Variants in METTL3 observed in about 807,000 individuals in gnomAD.
METTL3 encodes the protein N(6)-adenosine-methyltransferase catalytic subunit METTL3.
METTL3 carries 42 observed loss-of-function variants against 64.3 expected under a neutral mutation model. That is an observed-to-expected ratio of 0.65 (90% CI 0.51 to 0.84). The LOEUF (loss-of-function observed/expected upper bound fraction) is 0.84. Among genes scored for constraint, METTL3 ranks in the 40% least tolerant of loss-of-function variants. The pLI is 0.00. For synonymous variants in METTL3, 256 were observed against 263.6 expected, an observed-to-expected ratio of 0.97 and a Z score of 0.28; for missense variants, 435 against 722.3, an observed-to-expected ratio of 0.60 and a Z score of 4.56.
intron 1 of METTL3, among the ~76,000 whole-genome samples, chr14:21,508,619 G>A (rs9322989): frequency 0.15 from 23,405 of 152,208 alleles, 1,840 homozygotes; most frequent in Admixed American, 0.23. Flanking sequence ...ATGATGCCGG[G>A]CACAGTGGCT....
Position 21,503,372 on chromosome 14 carries a change from C to G in METTL3, c.524G>C (p.Gly175Ala). 1 of 1,614,166 alleles carries G rather than the reference C, an allele frequency of 6.2e-7. No homozygotes were observed. The change falls in exon 3 of 11, where the codon GGG becomes GCG. Residue 175 changes from glycine (G) to alanine (A), a missense_variant. Coordinates refer to ENST00000298717, the MANE Select transcript of METTL3 (RefSeq NM_019852.5). ...GPGEVAGTVT[G>A]QKRRAEQDST... is the part of the protein sequence containing the mutation. ...GTCCTGTTCTGCACGCCGCTTCTGCCCTGTGACAGTCCCTGCTACCTCCCC... is the reference window on the plus strand; with the variant it reads ...GTCCTGTTCTGCACGCCGCTTCTGCGCTGTGACAGTCCCTGCTACCTCCCC...
In METTL3 at chr14:21,511,224, C is replaced by G. The variant is rs779041675; in HGVS notation, c.-1G>C. The G allele has an allele frequency of 1.2e-6, 2 of 1,613,396 alleles. No homozygotes were observed. The highest frequency in any genetic ancestry group is 1.7e-6 in the Non-Finnish European group (2 of 1,179,752). Reference sequence around the variant, plus strand: ...GGATAGAGCTCCACGTGTCCGACATCCTAGTCTCCCAGCCCTGACACCTCT... The same window carrying G: ...GGATAGAGCTCCACGTGTCCGACATGCTAGTCTCCCAGCCCTGACACCTCT... On this transcript the variant is annotated 5_prime_UTR_variant, in exon 1 of 11. Coordinates refer to ENST00000298717, the MANE Select transcript of METTL3 (RefSeq NM_019852.5).
In METTL3 at chr14:21,503,892, AGAG is replaced by A. The variant is rs1188174064; in HGVS notation, c.101-14_101-12del. 9.9e-6 allele frequency: 16 copies of A among 1,611,674 alleles called. No individual in the cohort carries two copies. The highest frequency in any genetic ancestry group is 2.2e-5 in the East Asian group (1 of 44,848). On this transcript the variant is annotated splice_polypyrimidine_tract_variant and intron_variant, in intron 1 of 10. Transcript: ENST00000298717. ...CTGGATTCCGTAGATCTAAGAATGA[AGAG>A]AAGTGAAAATGAAAAAAGGCAACCA...
At position 21,503,812 on chromosome 14, in the gene METTL3, G is replaced by T; in HGVS notation, c.170C>A (p.Thr57Asn). 3 of 1,614,250 alleles carry T rather than the reference G, an allele frequency of 1.9e-6. No homozygotes were observed. The highest frequency in any genetic ancestry group is 1.7e-6 in the Non-Finnish European group (2 of 1,180,046). ...TGTGCTGGGCTTAGGGCCACCAGAG[G>T]TGGGTGCAGTAGGCACTGGGCTGTC... ...RSDSPVPTAP[T>N]SGGPKPSTAS... Residue 57 changes from threonine (T) to asparagine (N), a missense_variant, in exon 2 of 11, where the codon ACC becomes AAC. Thr to Asn is a moderately conservative substitution (Grantham distance 65, BLOSUM62 0). This residue lies in a region of METTL3 where 228 missense variants were observed against 279.6 expected (regional missense o/e 0.82). Coordinates refer to ENST00000298717, the MANE Select transcript of METTL3 (RefSeq NM_019852.5).
intron 3 of METTL3, 74 bp downstream of exon 3, chr14:21,503,099 C>T: frequency 1.3e-6 from 2 of 1,487,594 alleles, no homozygotes. Flanking sequence ...AGTTCCTTGC[C>T]CTAGGGGTAA....
intron 10 of METTL3, chr14:21,498,658 T>G (rs1891473319): frequency 2.0e-6 from 1 of 499,002 alleles, no homozygotes; most frequent in African/African-American, 1.9e-5. Flanking sequence ...ATAAGCAAAA[T>G]GCTAGCAGCA....
In METTL3 at chr14:21,500,916, A is replaced by C. The variant is rs774755017; in HGVS notation, c.1113T>G (p.Pro371=). 2 of 1,612,840 alleles carry C rather than the reference A, an allele frequency of 1.2e-6. No homozygotes were observed. The highest frequency in any genetic ancestry group is 1.7e-6 in the Non-Finnish European group (2 of 1,179,124). The stretch of plus-strand genomic sequence containing the variant: ...AGTTTTCTGAGCAGACAGGTACCTG[A>C]GGTGGGAAGAGTCGGTCTGCACTGG... ...GDSSADRLFP[P]QWICCDIRYL... is the part of the protein sequence containing the mutation. Residue 371 remains proline, a synonymous_variant, in exon 5 of 11, where the codon CCT becomes CCG. Coordinates refer to ENST00000298717, the MANE Select transcript of METTL3 (RefSeq NM_019852.5).
chr14:21,499,622 T>A (rs373137461), intron 7 of METTL3, 22 bp from the exon 8 acceptor site: 1 of 1,607,854 alleles, frequency 6.2e-7, no homozygotes, highest in Non-Finnish European at 8.5e-7. Flanking sequence ...AAAAAAGAAC[T>A]AGAATTTTAG....
Position 21,500,927 on chromosome 14 carries a change from G to C in METTL3, c.1102C>G (p.Leu368Val). 1 of 1,613,770 alleles carries C rather than the reference G, an allele frequency of 6.2e-7. No homozygotes were observed. The change falls in exon 5 of 11, where the codon CTC (leucine) becomes GTC (valine). Residue 368 changes from leucine (L) to valine (V), a missense_variant. Transcript: ENST00000298717. Reference sequence around the variant, plus strand: ...CAGACAGGTACCTGAGGTGGGAAGAGTCGGTCTGCACTGGAATCACCTCCG... The same window carrying C: ...CAGACAGGTACCTGAGGTGGGAAGACTCGGTCTGCACTGGAATCACCTCCG... Reference protein sequence around the residue: ...SVGGDSSADRLFPPQWICCDI... With the variant: ...SVGGDSSADRVFPPQWICCDI...
chr14:21,510,887 C>G, intron 1 of METTL3: 1 of 501,530 alleles, frequency 2.0e-6, no homozygotes, highest in Non-Finnish European at 3.6e-6. Context: ...GAGGGTGGGG[C>G]TCAAGCGTCC....
intron 1 of METTL3, among the ~76,000 whole-genome samples, chr14:21,506,708 G>A (rs985758723): frequency 6.6e-6 from 1 of 152,108 alleles, no homozygotes; most frequent in African/African-American, 2.4e-5. Context: ...TATACATACA[G>A]TGGAATATTA....
At position 21,503,477 on chromosome 14, in the gene METTL3, G is replaced by A. The variant is rs1328134879; in HGVS notation, c.419C>T (p.Ala140Val). The A allele has an allele frequency of 6.2e-7, 1 of 1,612,980 alleles. No individual in the cohort carries two copies. Among genetic ancestry groups the A allele is most frequent in the Admixed American group, 1.7e-5 (1 of 60,012 alleles). ...AGCATAGGTTACAAGAGTAGGATGT[G>A]CATCATCTTGTAGGAGACCTCGCTT... ...EVKRGLLQDD[A>V]HPTLVTYADH... is the part of the protein sequence containing the mutation. The change falls in exon 3 of 11, where the codon GCA (alanine) becomes GTA (valine). Residue 140 changes from alanine to valine, a missense_variant. By Grantham distance (64) the Ala-to-Val change is moderately conservative (BLOSUM62 0). Around this residue, in one of 9 missense-constraint regions of METTL3, gnomAD observed 228 missense variants for 279.6 expected, o/e 0.82. Coordinates refer to ENST00000298717, the MANE Select transcript of METTL3 (RefSeq NM_019852.5).
rs750486834 is a variant in METTL3 at position 21,501,828 on chromosome 14, G to A, written c.799C>T (p.Arg267Ter). Residue 267 changes from arginine to a stop codon, truncating the protein, a stop_gained, in exon 4 of 11, where the codon CGA (arginine) becomes TGA (stop). Coordinates refer to ENST00000298717, the MANE Select transcript of METTL3 (RefSeq NM_019852.5). LOFTEE classifies it high-confidence loss of function. ...AATTCTTGCACTTGGGCCCGACCTC[G>A]AGAGCGAAATTTTTCAACAATGGAT... ...EQSIVEKFRS[R>*]GRAQVQEFCD... 2.5e-6 allele frequency: 4 copies of A among 1,614,030 alleles called. No homozygotes were observed. Among genetic ancestry groups the A allele is most frequent in the Non-Finnish European group, 2.5e-6 (3 of 1,180,008 alleles).
chr14:21,508,746 T>G (rs1891758284), intron 1 of METTL3, among the ~76,000 whole-genome samples: 1 of 151,840 alleles, frequency 6.6e-6, no homozygotes, highest in African/African-American at 2.4e-5. Flanking sequence ...AATACAAAAT[T>G]AGCCAGGAGT....
Position 21,506,641 on chromosome 14 carries a change from C to T in METTL3, c.101-2760G>A, listed in dbSNP as rs931972675. Reference sequence around the variant, plus strand: ...TTCATAGCAGCATTATTTACAATAGCCAAAAGGTAGAAGTAACCCAAACGC... The same window carrying T: ...TTCATAGCAGCATTATTTACAATAGTCAAAAGGTAGAAGTAACCCAAACGC... On this transcript the variant is annotated intron_variant, in intron 1 of 10. Coordinates refer to ENST00000298717, the MANE Select transcript of METTL3 (RefSeq NM_019852.5). 5.9e-5 allele frequency among the ~76,000 whole-genome samples: 9 copies of T among 152,226 alleles called. No individual in the cohort carries two copies. In the East Asian group the frequency reaches 1.5e-3, roughly 26 times the overall value.
rs1566490713 is a variant in METTL3 at position 21,499,815 on chromosome 14, G to GAGTTAA, written c.1305-19_1305-14dup. 6.2e-7 allele frequency: 1 copy of GAGTTAA among 1,612,142 alleles called. No homozygotes were observed. The highest frequency in any genetic ancestry group is 8.5e-7 in the Non-Finnish European group (1 of 1,178,536). ...CAACTCCATGGCCCTAGAAAGAAAT[G>GAGTTAA]AGTTAAACAACTATTTGTATGCCCA... On this transcript the variant is annotated splice_polypyrimidine_tract_variant and intron_variant, in intron 6 of 10. Transcript: ENST00000298717.
chr14:21,501,283 G>A lies in METTL3; in HGVS notation c.900-154C>T. 5 of 629,604 alleles carry A rather than the reference G, an allele frequency of 7.9e-6. No individual in the cohort carries two copies. In the South Asian group the frequency reaches 1.0e-4, roughly 13 times the overall value. The allele number at this position is 629,604 out of a possible 1,614,324, so 39.0% of individuals were successfully genotyped here. A position where few individuals can be genotyped will look rare whatever the true frequency, so the allele number is the denominator to read the frequency against. On this transcript the variant is annotated intron_variant, in intron 4 of 10. Transcript: ENST00000298717. ...AGTTTTAAGGGAGGCAGGTAGCATG[G>A]AAATCCATAATTCATACTACAGAAC... is the stretch of plus-strand genomic sequence containing the variant.
Position 21,503,211 on chromosome 14 carries a change from G to A in METTL3, c.685C>T (p.Leu229=), listed in dbSNP as rs1193916457. 6.2e-7 allele frequency: 1 copy of A among 1,613,754 alleles called. No individual in the cohort carries two copies. Among genetic ancestry groups the A allele is most frequent in the East Asian group, 2.2e-5 (1 of 44,896 alleles). Residue 229 remains leucine (L), a synonymous_variant, in exon 3 of 11, where the codon CTG becomes TTG. Transcript: ENST00000298717. ...SDVDLEIESL[L]NQQSTKEQQS... is the part of the protein sequence containing the mutation. Reference sequence around the variant, plus strand: ...TGTTCCTTAGTGGACTGTTGGTTCAGAAGGCTCTCTATCTCCAGATCAACA... The same window carrying A: ...TGTTCCTTAGTGGACTGTTGGTTCAAAAGGCTCTCTATCTCCAGATCAACA...
intron 1 of METTL3, 127 bp downstream of exon 1, chr14:21,510,997 A>C: frequency 9.5e-7 from 1 of 1,049,680 alleles, no homozygotes; most frequent in Non-Finnish European, 1.3e-6. Flanking sequence ...GTGGAGAGGG[A>C]GTACCAATGT....
Sources: allele counts gnomAD v4.1 joint callset (sites outside exome capture counted in the v4.1 genomes callset), GRCh38; gene constraint gnomAD v4.1.1; regional missense constraint gnomAD v4.1.1; transcripts MANE v1.5; gene names NCBI Gene and HGNC (gene_info 2026-07-23, HGNC 2026-07-21).